The following TMEM87B variants were observed in gnomAD, a reference collection of about 807,000 sequenced individuals.
The protein encoded by TMEM87B is transmembrane protein 87B.
A neutral mutation model predicts 80.3 loss-of-function variants in TMEM87B; 83 were observed. The observed-to-expected ratio is 1.03, with a 90% CI of 0.87 to 1.24. The LOEUF is 1.24. Ranked by LOEUF, TMEM87B falls within the 50% of genes most tolerant of loss-of-function variation. TMEM87B has a pLI of 0.00. For missense variants in TMEM87B, 625 were observed against 674.4 expected (o/e 0.93, Z 0.81); for synonymous variants, 219 against 230.5 (o/e 0.95, Z 0.45).
rs773905277 is a variant in TMEM87B, at chr2:112,117,525, G to A, written c.*1382G>A. 6.6e-6 allele frequency: 1 copy of A among 151,590 alleles called. No homozygotes were observed. The highest frequency in any genetic ancestry group is 1.5e-5 in the Non-Finnish European group (1 of 67,914). The allele number at this position is 151,590 out of a possible 1,614,324, so 9.4% of individuals were successfully genotyped here. Reference sequence around the variant, plus strand: ...GGGTAGTAAAGAAGATCTATTTCTGGTAGTCATATCGCTTGAAAGGTATTG... The same window carrying A: ...GGGTAGTAAAGAAGATCTATTTCTGATAGTCATATCGCTTGAAAGGTATTG... On this transcript the variant is annotated 3_prime_UTR_variant, in exon 19 of 19. Coordinates refer to ENST00000283206, the MANE Select transcript of TMEM87B (RefSeq NM_032824.3).
chr2:112,055,334 C>G lies in TMEM87B; in HGVS notation c.-258C>G, dbSNP rs573889407. ...TCTCGCCGCCAACTCCACATCCTGG[C>G]TCCTATCTCTGCCTTCCAGGCATCT... On this transcript the variant is annotated 5_prime_UTR_variant, in exon 1 of 19. Transcript: ENST00000283206. 34 of 498,756 alleles carry G rather than the reference C, an allele frequency of 6.8e-5. No homozygotes were observed. The South Asian group carries it at 9.5e-4, about 14-fold the overall frequency. 30.9% of individuals were successfully genotyped at this position (498,756 alleles called of 1,614,324 possible). A position where few individuals can be genotyped will look rare whatever the true frequency, so the allele number is the denominator to read the frequency against.
intron 5 of TMEM87B, among the ~76,000 whole-genome samples, chr2:112,075,510 T>C (rs943519152): frequency 6.6e-6 from 1 of 152,236 alleles, no homozygotes; most frequent in Non-Finnish European, 1.5e-5. Flanking sequence ...CAGCCTTTCT[T>C]TTCTTTAAAA....
rs1413550675 is a variant in TMEM87B at position 112,089,736 on chromosome 2, C to G, written c.1032+18C>G. On this transcript the variant is annotated intron_variant, in intron 10 of 18. Transcript: ENST00000283206. ...TCATTGGGGTAAAAACTACATTATT[C>G]TACCACCCCTTTTTGTTATTGCTGT... 1 of 1,606,426 alleles carries G rather than the reference C, an allele frequency of 6.2e-7. No individual in the cohort carries two copies. Among genetic ancestry groups the G allele is most frequent in the African/African-American group, 1.3e-5 (1 of 74,776 alleles).
chr2:112,075,746 A>G (rs151050500), intron 5 of TMEM87B, among the ~76,000 whole-genome samples: 16 of 152,334 alleles, frequency 1.1e-4, no homozygotes, highest in Admixed American at 9.8e-4. Context: ...CTTTTATACT[A>G]TGACTCTTCA....
In TMEM87B at chr2:112,107,883, G is replaced by A. The variant is rs767104472; in HGVS notation, c.1577+43G>A. 5.7e-6 allele frequency: 8 copies of A among 1,407,360 alleles called. 1 individual carries two copies. The South Asian group carries it at 6.3e-5, about 11-fold the overall frequency. The allele number at this position is 1,407,360 out of a possible 1,614,324, so 87.2% of individuals were successfully genotyped here. On this transcript the variant is annotated intron_variant, in intron 17 of 18. Transcript: ENST00000283206. The stretch of plus-strand genomic sequence containing the variant: ...ACAGTTTGATTGTAAATTTTAGGCT[G>A]TAGTTTAAAAGGGATCGTTCTCATC...
chr2:112,100,570 AAT>A, intron 14 of TMEM87B, 50 bp from the exon 15 acceptor site: 1 of 1,224,310 alleles, frequency 8.2e-7, no homozygotes, highest in Non-Finnish European at 1.2e-6. Flanking sequence ...ATAAACTGAA[AAT>A]TGAACAAGTT....
intron 10 of TMEM87B, among the ~76,000 whole-genome samples, chr2:112,091,392 T>A (rs1679296229): frequency 1.3e-5 from 2 of 152,206 alleles, no homozygotes; most frequent in Admixed American, 6.5e-5. Context: ...TTCGTTTCAT[T>A]AATAGCCCTG....
intron 11 of TMEM87B, among the ~76,000 whole-genome samples, chr2:112,092,612 T>TA (rs1226696900): frequency 1.3e-5 from 2 of 151,856 alleles, no homozygotes; most frequent in African/African-American, 4.8e-5. Flanking sequence ...GGGTCAGAAG[T>TA]AGGGTAGGGG....
At chr2:112,059,251 C>G (rs1296952451) in intron 1 of TMEM87B, among the ~76,000 whole-genome samples, 1 of 151,868 alleles carries the variant, frequency 6.6e-6, no homozygotes, top group Non-Finnish European at 1.5e-5. Flanking sequence ...AACAACTAAT[C>G]AATTATTTGA....
chr2:112,079,134 T>C (rs1249718972), intron 6 of TMEM87B, among the ~76,000 whole-genome samples: 1 of 152,222 alleles, frequency 6.6e-6, no homozygotes, highest in Non-Finnish European at 1.5e-5. Context: ...ACATTTGAAA[T>C]GTACTCTCTC....
At chr2:112,088,339 G>A (rs771080945) in intron 9 of TMEM87B, among the ~76,000 whole-genome samples, 4 of 152,206 alleles carry the variant, frequency 2.6e-5, no homozygotes, top group Non-Finnish European at 4.4e-5. Flanking sequence ...AATGGGTACA[G>A]ATACAAACCC....
intron 1 of TMEM87B, 66 bp from the exon 2 acceptor site, chr2:112,059,911 G>T: frequency 1.9e-6 from 3 of 1,554,854 alleles, no homozygotes; most frequent in Non-Finnish European, 2.6e-6. Flanking sequence ...TCTATATGTT[G>T]TGGGGTAAAA....
chr2:112,062,340 A>G (rs141774630), intron 2 of TMEM87B, among the ~76,000 whole-genome samples: 25 of 152,344 alleles, frequency 1.6e-4, no homozygotes, highest in African/African-American at 3.6e-4. Flanking sequence ...AAATATCTCA[A>G]TGTAATTCAC....
At chr2:112,071,042 G>A (rs1678611534) in intron 4 of TMEM87B, among the ~76,000 whole-genome samples, 1 of 151,336 alleles carries the variant, frequency 6.6e-6, no homozygotes, top group Admixed American at 6.6e-5. Context: ...AGCCAGGATG[G>A]TCTTGATCTC....
chr2:112,113,038 C>A, intron 18 of TMEM87B, 109 bp downstream of exon 18: 1 of 1,028,730 alleles, frequency 9.7e-7, no homozygotes, highest in Non-Finnish European at 1.4e-6. Context: ...ATAAATTGAA[C>A]AGACAGAAAG....
chr2:112,084,873 C>G (rs1034607281), intron 8 of TMEM87B, among the ~76,000 whole-genome samples: 2 of 152,178 alleles, frequency 1.3e-5, no homozygotes, highest in Admixed American at 1.3e-4. Flanking sequence ...TAAAGCCATC[C>G]ATTTTATTCC....
At chr2:112,069,198 C>CAAA (rs1280554360) in intron 4 of TMEM87B, among the ~76,000 whole-genome samples, 917 of 62,128 alleles carry the variant, frequency 0.015, 39 homozygotes, top group South Asian at 0.046. Context: ...GACTCCGTCT[C>CAAA]AAAAAAAAAA....
intron 2 of TMEM87B, among the ~76,000 whole-genome samples, chr2:112,061,835 A>G (rs966217800): frequency 1.3e-5 from 2 of 152,236 alleles, no homozygotes; most frequent in African/African-American, 4.8e-5. Flanking sequence ...GGGTTTAGTC[A>G]GGCAAATGCT....
rs765734917 is a variant in TMEM87B, at chr2:112,117,760, G to A, written c.*1617G>A. 1.8e-4 allele frequency: 27 copies of A among 152,008 alleles called. No individual in the cohort carries two copies. Among genetic ancestry groups the A allele is most frequent in the Non-Finnish European group, 3.5e-4 (24 of 68,008 alleles). The allele number at this position is 152,008 out of a possible 1,614,324, so 9.4% of individuals were successfully genotyped here. A position where few individuals can be genotyped will look rare whatever the true frequency, so the allele number is the denominator to read the frequency against. Reference sequence around the variant, plus strand: ...ACCCACTATAATTCCCAGCATTTATGTTCTGTTGTATTCTCCCCTTAGCCC... The same window carrying A: ...ACCCACTATAATTCCCAGCATTTATATTCTGTTGTATTCTCCCCTTAGCCC... On this transcript the variant is annotated 3_prime_UTR_variant, in exon 19 of 19. Transcript: ENST00000283206.
Sources: allele counts gnomAD v4.1 joint callset (sites outside exome capture counted in the v4.1 genomes callset), GRCh38; gene constraint gnomAD v4.1.1; transcripts MANE v1.5; gene names NCBI Gene and HGNC (gene_info 2026-07-23, HGNC 2026-07-21).